DLGAP1: variants seen among roughly 807,000 people sequenced by gnomAD.
DLGAP1 encodes disks large-associated protein 1.
In DLGAP1, 11 loss-of-function variants were observed where a neutral mutation model predicts 90.8. That is an observed-to-expected ratio of 0.12 (90% CI 0.08 to 0.20). The LOEUF is 0.20. DLGAP1 is among the 10% of genes least tolerant of loss of function. DLGAP1 has a pLI of 1.00. For missense variants in DLGAP1, 1,050 were observed against 1,333.8 expected (o/e 0.79, Z 3.31); for synonymous variants, 558 against 540.7 (o/e 1.03, Z -0.44).
intron 5 of DLGAP1, among the ~76,000 whole-genome samples, chr18:3,799,069 T>C (rs2066157529): frequency 6.6e-6 from 1 of 150,934 alleles, no homozygotes; most frequent in Non-Finnish European, 1.5e-5. Context: ...AGACGGGGGG[T>C]TTTCACCAAC....
At chr18:4,274,907 C>G (rs1044753688) in intron 1 of DLGAP1, among the ~76,000 whole-genome samples, 2 of 152,092 alleles carry the variant, frequency 1.3e-5, no homozygotes, top group Admixed American at 6.6e-5. Context: ...AAAAAATAGA[C>G]TCCACTGATC....
At chr18:4,157,681 CTG>C (rs1481103239) in intron 1 of DLGAP1, among the ~76,000 whole-genome samples, 1 of 152,196 alleles carries the variant, frequency 6.6e-6, no homozygotes, top group East Asian at 1.9e-4. Context: ...TGTCTGCACA[CTG>C]TGCACATGCT....
intron 5 of DLGAP1, among the ~76,000 whole-genome samples, chr18:3,762,926 G>A (rs965629040): frequency 3.3e-5 from 5 of 152,212 alleles, no homozygotes; most frequent in African/African-American, 1.2e-4. Context: ...GACAAGTGAG[G>A]AATACAGAAT....
intron 1 of DLGAP1, among the ~76,000 whole-genome samples, chr18:4,256,836 G>C (rs1334134542): frequency 6.6e-6 from 1 of 152,034 alleles, no homozygotes; most frequent in Non-Finnish European, 1.5e-5. Context: ...AGGCTTCCTC[G>C]ATAGCCTGAG....
chr18:3,688,204 C>T (rs554095629), intron 7 of DLGAP1, among the ~76,000 whole-genome samples: 3 of 152,110 alleles, frequency 2.0e-5, no homozygotes, highest in Non-Finnish European at 4.4e-5. Context: ...AGCCACCGCA[C>T]CCGGCCCAGA....
intron 1 of DLGAP1, among the ~76,000 whole-genome samples, chr18:4,432,589 A>AGT (rs545618675): frequency 0.05 from 5,553 of 111,400 alleles, 176 homozygotes; most frequent in African/African-American, 0.11. Flanking sequence ...CACCTCACAT[A>AGT]GTGTGTGTGT....
chr18:3,571,994 T>G (rs1427500799), intron 8 of DLGAP1, among the ~76,000 whole-genome samples: 1 of 152,030 alleles, frequency 6.6e-6, no homozygotes, highest in Non-Finnish European at 1.5e-5. Flanking sequence ...ATAGATAAGT[T>G]ATTGATTCCT....
At chr18:4,282,670 A>G (rs1280892115) in intron 1 of DLGAP1, among the ~76,000 whole-genome samples, 1 of 152,184 alleles carries the variant, frequency 6.6e-6, no homozygotes, top group Non-Finnish European at 1.5e-5. Flanking sequence ...AAATTTTTAT[A>G]TCTGTTGACA....
chr18:3,993,184 C>T (rs1330695629), intron 3 of DLGAP1: 2 of 150,910 alleles, frequency 1.3e-5, no homozygotes, highest in Non-Finnish European at 2.9e-5. Context: ...CTTGCACCGG[C>T]GACTCACGTG....
intron 4 of DLGAP1, among the ~76,000 whole-genome samples, chr18:3,821,103 A>G (rs1454110842): frequency 6.6e-6 from 1 of 152,110 alleles, no homozygotes; most frequent in African/African-American, 2.4e-5. Context: ...TAGGCAACAT[A>G]GCAAGACCCC....
At chr18:3,730,347 G>GA (rs148146502) in intron 6 of DLGAP1, among the ~76,000 whole-genome samples, 6,226 of 151,930 alleles carry the variant, frequency 0.041, 447 homozygotes, top group African/African-American at 0.14. Flanking sequence ...GGCGTAATTG[G>GA]AAAAAAATCT....
intron 1 of DLGAP1, among the ~76,000 whole-genome samples, chr18:4,248,072 C>G (rs73376926): frequency 0.05 from 7,568 of 152,120 alleles, 217 homozygotes; most frequent in Admixed American, 0.092. Context: ...TGGTCAAAGT[C>G]ACCCCCAAAT....
At chr18:4,231,958 TTAA>T (rs778018167) in intron 1 of DLGAP1, among the ~76,000 whole-genome samples, 3 of 152,162 alleles carry the variant, frequency 2.0e-5, no homozygotes, top group Non-Finnish European at 4.4e-5. Flanking sequence ...CCATTGTGTA[TTAA>T]TAATAAGTAT....
chr18:4,251,905 T>C (rs1296298956), intron 1 of DLGAP1, among the ~76,000 whole-genome samples: 1 of 152,230 alleles, frequency 6.6e-6, no homozygotes, highest in Non-Finnish European at 1.5e-5. Context: ...GCCCTAACAT[T>C]TATTTTTGGC....
intron 3 of DLGAP1, among the ~76,000 whole-genome samples, chr18:3,899,227 C>T (rs968047366): frequency 1.3e-5 from 2 of 152,210 alleles, no homozygotes; most frequent in Non-Finnish European, 2.9e-5. Flanking sequence ...TAGCAACCTC[C>T]GCCCATGGCA....
rs73381289 is a variant in DLGAP1 at position 3,623,467 on chromosome 18, T to G, written c.1592-41219A>C. ...TCTTAGGTTCTGCTAATGACAACTC[T>G]TCTTGAAGTTCTTCAAGGCCGTGTG... On this transcript the variant is annotated intron_variant, in intron 7 of 12. Transcript: ENST00000315677. 5.8e-3 allele frequency among the ~76,000 whole-genome samples: 879 copies of G among 152,310 alleles called. 7 individuals are homozygous for G. The highest frequency in any genetic ancestry group is 0.02 in the African/African-American group (833 of 41,572).
chr18:3,504,344 T>C (rs1783762011), intron 11 of DLGAP1, among the ~76,000 whole-genome samples: 1 of 152,128 alleles, frequency 6.6e-6, no homozygotes, highest in Non-Finnish European at 1.5e-5. Context: ...ACTTTAGAAT[T>C]ATTAGGCACT....
chr18:4,200,307 A>G (rs9949746), intron 1 of DLGAP1, among the ~76,000 whole-genome samples: 13,012 of 151,880 alleles, frequency 0.086, 1,592 homozygotes, highest in African/African-American at 0.27. Context: ...AGTTATTCAC[A>G]TAGATTCTTT....
At chr18:3,998,973 T>G (rs1024814247) in intron 3 of DLGAP1, among the ~76,000 whole-genome samples, 13 of 152,170 alleles carry the variant, frequency 8.5e-5, no homozygotes, top group African/African-American at 2.9e-4. Context: ...ATTTTACTTT[T>G]GATATTCAGG....
Sources: gnomAD v4.1 joint callset for allele counts (sites outside exome capture counted in the v4.1 genomes callset) on GRCh38, gnomAD v4.1.1 for gene constraint, MANE v1.5 for transcripts, NCBI Gene and HGNC (gene_info 2026-07-23, HGNC 2026-07-21) for gene names.